The following ATAD3C variants were observed in gnomAD, a reference collection of about 807,000 sequenced individuals.
The protein encoded by ATAD3C is ATPase family AAA domain-containing protein 3C.
A neutral mutation model predicts 46.3 loss-of-function variants in ATAD3C; 38 were observed. The ratio of observed to expected loss-of-function variants is 0.82; its 90% CI spans 0.63 to 1.08. The LOEUF (loss-of-function observed/expected upper bound fraction) is 1.08, where lower values mean the gene tolerates loss of function less well. Among genes scored for constraint, ATAD3C ranks in the 50% least tolerant of loss-of-function variants. ATAD3C has a pLI of 0.00. For missense variants in ATAD3C, 563 were observed against 572.7 expected, an observed-to-expected ratio of 0.98 and a Z score of 0.17; for synonymous variants, 220 against 236.4, an observed-to-expected ratio of 0.93 and a Z score of 0.63.
intron 1 of ATAD3C, among the ~76,000 whole-genome samples, chr1:1,451,263 C>T (rs966875216): frequency 1.3e-5 from 2 of 151,742 alleles, no homozygotes; most frequent in African/African-American, 4.8e-5. Flanking sequence ...AGGATGGTGT[C>T]GATTTCCTGA....
rs574526505 is a variant in ATAD3C, at chr1:1,454,464, C to T, written c.342C>T (p.Arg114=). 301 of 1,609,872 alleles carry T rather than the reference C, an allele frequency of 1.9e-4. 3 individuals carry two copies. The East Asian group carries it at 6.7e-3, about 36-fold the overall frequency. Residue 114 remains arginine (R), a synonymous_variant, in exon 4 of 12, where the codon CGC becomes CGT. Coordinates refer to ENST00000378785, the MANE Select transcript of ATAD3C (RefSeq NM_001039211.3). ...GKPSLVRETS[R]ITVLEALRHP... is the part of the protein sequence containing the mutation. Reference sequence around the variant, plus strand: ...CGTCCCTAGTGAGGGAGACGTCCCGCATCACGGTGCTTGAGGCGCTGCGGC... The same window carrying T: ...CGTCCCTAGTGAGGGAGACGTCCCGTATCACGGTGCTTGAGGCGCTGCGGC...
chr1:1,460,710 C>G, intron 9 of ATAD3C, 40 bp from the exon 10 acceptor site: 2 of 1,557,212 alleles, frequency 1.3e-6, no homozygotes, highest in Non-Finnish European at 1.7e-6. Context: ...ACAGCTCGGC[C>G]GGCAGCCCCA....
intron 2 of ATAD3C, 70 bp from the exon 3 acceptor site, chr1:1,452,295 C>G (rs887191433): frequency 6.2e-7 from 1 of 1,610,436 alleles, no homozygotes; most frequent in African/African-American, 1.3e-5. Flanking sequence ...AGGCCTCACC[C>G]TCAACCTGTT....
Position 1,462,646 on chromosome 1 carries a change from A to C in ATAD3C, c.1027A>C (p.Ile343Leu). 1 of 1,606,926 alleles carries C rather than the reference A, an allele frequency of 6.2e-7. No homozygotes were observed. The highest frequency in any genetic ancestry group is 8.5e-7 in the Non-Finnish European group (1 of 1,177,154). ...TGACTACGGGAGGAAGTGCTTAGAGATCGCTCGGCTGACAGAGGGCATGTC... is the reference window on the plus strand; with the variant it reads ...TGACTACGGGAGGAAGTGCTTAGAGCTCGCTCGGCTGACAGAGGGCATGTC... ...QFDYGRKCLE[I>L]ARLTEGMSCR... is the part of the protein sequence containing the mutation. The change falls in exon 11 of 12, where the codon ATC (isoleucine) becomes CTC (leucine). Residue 343 changes from isoleucine to leucine, a missense_variant. By Grantham distance (5) the Ile-to-Leu change is conservative (BLOSUM62 2). Around this residue, in one of 3 missense-constraint regions of ATAD3C, gnomAD observed 273 missense variants for 253.5 expected, o/e 1.08. Coordinates refer to ENST00000378785, the MANE Select transcript of ATAD3C (RefSeq NM_001039211.3). This position sits in a 1 kb window ranked among gnomAD's most constrained non-coding sequence, Gnocchi z 4.5.
In ATAD3C at chr1:1,469,944, A is replaced by G. The variant is rs1471147036; in HGVS notation, c.*1414A>G. Reference sequence around the variant, plus strand: ...CCCTAGCTGATCAATGTACTTTGCAATCTCCCCCACCCTTAAGAAGGTTCT... The same window carrying G: ...CCCTAGCTGATCAATGTACTTTGCAGTCTCCCCCACCCTTAAGAAGGTTCT... On this transcript the variant is annotated 3_prime_UTR_variant, in exon 12 of 12. Transcript: ENST00000378785. 1 of 151,650 alleles carries G rather than the reference A, an allele frequency of 6.6e-6. No individual in the cohort carries two copies. The highest frequency in any genetic ancestry group is 2.4e-5 in the African/African-American group (1 of 41,262). The allele number at this position is 151,650 out of a possible 1,614,324, so 9.4% of individuals were successfully genotyped here.
At chr1:1,461,932 G>T (rs1018705106) in intron 10 of ATAD3C, among the ~76,000 whole-genome samples, 1 of 152,180 alleles carries the variant, frequency 6.6e-6, no homozygotes, top group East Asian at 1.9e-4. Context: ...GGTGCAGCAG[G>T]CACGGTGGGC....
Position 1,460,920 on chromosome 1 carries a change from A to G in ATAD3C, c.980+3A>G. 1 of 1,603,022 alleles carries G rather than the reference A, an allele frequency of 6.2e-7. No individual in the cohort carries two copies. Among genetic ancestry groups the G allele is most frequent in the Non-Finnish European group, 8.5e-7 (1 of 1,173,852 alleles). ...AAGCCGGCCACAGAAGGAAAGCGGTAAGTGTCCCGCCCCACCAGCCCCCGT... is the reference window on the plus strand; with the variant it reads ...AAGCCGGCCACAGAAGGAAAGCGGTGAGTGTCCCGCCCCACCAGCCCCCGT... On this transcript the variant is annotated splice_donor_region_variant and intron_variant, in intron 10 of 11. Coordinates refer to ENST00000378785, the MANE Select transcript of ATAD3C (RefSeq NM_001039211.3).
chr1:1,458,080 G>A (rs1638997345), intron 8 of ATAD3C, among the ~76,000 whole-genome samples: 1 of 151,814 alleles, frequency 6.6e-6, no homozygotes, highest in African/African-American at 2.4e-5. Context: ...CTGGGTTCAA[G>A]CTGGTCTCCT....
chr1:1,452,233 C>T (rs1638873049), intron 2 of ATAD3C, 111 bp downstream of exon 2: 2 of 1,579,448 alleles, frequency 1.3e-6, no homozygotes, highest in African/African-American at 1.3e-5. Flanking sequence ...TAGGCTGGCT[C>T]CTTGGTGGGG....
At position 1,452,043 on chromosome 1, in the gene ATAD3C, C is replaced by T. The variant is rs747365372; in HGVS notation, c.76-3C>T. ...TTTCTCTTTTTCTGCGGCTTCTTCT[C>T]AGCAACTTGTCAATGAGGATTTACG... is the stretch of plus-strand genomic sequence containing the variant. On this transcript the variant is annotated splice_polypyrimidine_tract_variant and splice_region_variant and intron_variant, in intron 1 of 11. Transcript: ENST00000378785. 6.2e-7 allele frequency: 1 copy of T among 1,613,508 alleles called. No individual in the cohort carries two copies. The highest frequency in any genetic ancestry group is 1.7e-5 in the Admixed American group (1 of 59,946).
At chr1:1,458,904 A>G (rs1370205545) in intron 8 of ATAD3C, among the ~76,000 whole-genome samples, 2 of 151,660 alleles carry the variant, frequency 1.3e-5, no homozygotes, top group African/African-American at 4.8e-5. Context: ...TATTTTTAGT[A>G]GAGACGGGGT....
chr1:1,463,499 G>A (rs1351844048), intron 11 of ATAD3C, among the ~76,000 whole-genome samples: 1 of 152,038 alleles, frequency 6.6e-6, no homozygotes, highest in Non-Finnish European at 1.5e-5. Context: ...AGTCAGTACA[G>A]GCTGGGTTAT....
rs371515768 is a variant in ATAD3C, at chr1:1,468,667, A to G, written c.*137A>G. 1.7e-4 allele frequency: 263 copies of G among 1,535,812 alleles called. 2 individuals are homozygous for G. In the African/African-American group the frequency reaches 3.4e-3, roughly 20 times the overall value. On this transcript the variant is annotated 3_prime_UTR_variant, in exon 12 of 12. Coordinates refer to ENST00000378785, the MANE Select transcript of ATAD3C (RefSeq NM_001039211.3). ...CGCACCGCTGTGTCTATTGGCTGACACGGGGCGGGGTTTGGGGCCCCCTAA... is the reference window on the plus strand; with the variant it reads ...CGCACCGCTGTGTCTATTGGCTGACGCGGGGCGGGGTTTGGGGCCCCCTAA...
At chr1:1,457,059 A>G (rs138918243) in intron 7 of ATAD3C, 70 bp from the exon 8 acceptor site, 34,368 of 1,603,784 alleles carry the variant, frequency 0.021, 1,090 homozygotes, top group African/African-American at 0.11. Context: ...TGCTCCTGCC[A>G]TGGCCGGACG....
chr1:1,460,988 G>T, intron 10 of ATAD3C, 71 bp downstream of exon 10: 1 of 1,491,608 alleles, frequency 6.7e-7, no homozygotes, highest in Non-Finnish European at 9.0e-7. Context: ...CCTGTTCTCC[G>T]GACACACCCA....
chr1:1,456,142 C>T, intron 6 of ATAD3C, 83 bp from the exon 7 acceptor site: 1 of 1,533,338 alleles, frequency 6.5e-7, no homozygotes, highest in Non-Finnish European at 8.7e-7. Flanking sequence ...CTGGGCAGAG[C>T]CTCCACACTC....
At chr1:1,466,734 G>A (rs189956263) in intron 11 of ATAD3C, among the ~76,000 whole-genome samples, 2 of 151,814 alleles carry the variant, frequency 1.3e-5, no homozygotes, top group Non-Finnish European at 2.9e-5. Flanking sequence ...CTTGGTCAGG[G>A]TGTGGAATCC....
rs1639220332 is a variant in ATAD3C at position 1,470,078 on chromosome 1, T to G, written c.*1548T>G. ...TCCCAAAACCTGTAAGAACTAGTGATAATCCCACCACCCTTTGCTGACTCT... is the reference window on the plus strand; with the variant it reads ...TCCCAAAACCTGTAAGAACTAGTGAGAATCCCACCACCCTTTGCTGACTCT... On this transcript the variant is annotated 3_prime_UTR_variant, in exon 12 of 12. Transcript: ENST00000378785. 6.6e-6 allele frequency: 1 copy of G among 152,014 alleles called. No individual in the cohort carries two copies. The highest frequency in any genetic ancestry group is 1.5e-5 in the Non-Finnish European group (1 of 67,998). The allele number at this position is 152,014 out of a possible 1,614,324, so 9.4% of individuals were successfully genotyped here. A position where few individuals can be genotyped will look rare whatever the true frequency, so the allele number is the denominator to read the frequency against.
At chr1:1,453,119 C>T (rs571749050) in intron 3 of ATAD3C, among the ~76,000 whole-genome samples, 3 of 152,234 alleles carry the variant, frequency 2.0e-5, no homozygotes, top group East Asian at 3.9e-4. Flanking sequence ...GTCAGTGTGA[C>T]GGTGAATGTT....
Sources: gnomAD v4.1 joint callset for allele counts (sites outside exome capture counted in the v4.1 genomes callset) on GRCh38, gnomAD v4.1.1 for gene constraint, gnomAD v4.1.1 regional missense constraint, Gnocchi (gnomAD v3.1) non-coding constraint, MANE v1.5 for transcripts, NCBI Gene and HGNC (gene_info 2026-07-23, HGNC 2026-07-21) for gene names.